TBC1D19: variants seen among roughly 807,000 people sequenced by gnomAD.
The protein encoded by TBC1D19 is TBC1 domain family, member 19.
Under a neutral mutation model 89.0 loss-of-function variants are expected in TBC1D19, and 60 were observed. The observed-to-expected ratio is 0.67, with a 90% CI of 0.55 to 0.84. The LOEUF (loss-of-function observed/expected upper bound fraction) is 0.84, where lower values mean the gene tolerates loss of function less well. Ranked by LOEUF, TBC1D19 falls within the 40% of genes least tolerant of loss-of-function variation. The probability of loss-of-function intolerance (pLI) is 0.00; values close to 1 mark genes in which losing one functional copy is unlikely to be tolerated. For missense variants in TBC1D19, 500 were observed against 610.8 expected (o/e 0.82, Z 1.91); for synonymous variants, 189 against 199.7 (o/e 0.95, Z 0.45).
chr4:26,751,124 AC>A (rs1182304782), intron 19 of TBC1D19, among the ~76,000 whole-genome samples: 1 of 152,170 alleles, frequency 6.6e-6, no homozygotes, highest in Non-Finnish European at 1.5e-5. Flanking sequence ...TGGCAAACAA[AC>A]CTGTTCTGTG....
chr4:26,648,047 G>A (rs1425829137), intron 7 of TBC1D19, among the ~76,000 whole-genome samples: 1 of 151,852 alleles, frequency 6.6e-6, no homozygotes, highest in Non-Finnish European at 1.5e-5. Context: ...AGTCACACAG[G>A]GTCAAATAAT....
At chr4:26,842,075 A>G in the TBC1D19 span, among the ~76,000 whole-genome samples, 21 of 152,126 alleles carry the variant, frequency 1.4e-4, no homozygotes, top group African/African-American at 4.3e-4. Flanking sequence ...TTTAATGGCA[A>G]TTTTCCTGCT....
the TBC1D19 span, among the ~76,000 whole-genome samples, chr4:26,765,872 G>T: frequency 6.6e-6 from 1 of 151,966 alleles, no homozygotes; most frequent in Non-Finnish European, 1.5e-5. Context: ...GCATGGGGAG[G>T]GATTATCTTC....
upstream of TBC1D19, among the ~76,000 whole-genome samples, chr4:26,582,259 G>C (rs1331018591): frequency 1.3e-5 from 2 of 151,894 alleles, no homozygotes; most frequent in African/African-American, 2.4e-5. Context: ...TCCTCATACT[G>C]TCTCCTTAGT....
chr4:26,663,005 A>G (rs1420555483), intron 8 of TBC1D19: 1 of 152,166 alleles, frequency 6.6e-6, no homozygotes, highest in African/African-American at 2.4e-5. Flanking sequence ...AGGCTGTACA[A>G]CTGGACTGAA....
intron 7 of TBC1D19, among the ~76,000 whole-genome samples, chr4:26,644,799 TTA>T (rs970669933): frequency 7.9e-5 from 12 of 152,148 alleles, no homozygotes; most frequent in Non-Finnish European, 1.8e-4. Flanking sequence ...GAGAGCCAAA[TTA>T]TGAGTGAACT....
rs35281818 is a variant in TBC1D19, at chr4:26,596,617, GT to G, written c.99+12339del. Among the ~76,000 whole-genome samples, 815 of 136,496 alleles carry G rather than the reference GT, an allele frequency of 6.0e-3. 7 individuals are homozygous for G. Among genetic ancestry groups the G allele is most frequent in the African/African-American group, 0.015 (533 of 36,514 alleles). 89.5% of individuals were successfully genotyped at this position (136,496 alleles called of 152,430 possible). On this transcript the variant is annotated intron_variant, in intron 1 of 20. Coordinates refer to ENST00000264866, the MANE Select transcript of TBC1D19 (RefSeq NM_018317.4). ...AGTTCTTTATTATTACTTTCCTCCT[GT>G]TTTTTTTTTTTTTGAGATTGATTTG... is the stretch of plus-strand genomic sequence containing the variant.
At chr4:26,689,508 T>C (rs1327329388) in intron 13 of TBC1D19, among the ~76,000 whole-genome samples, 1 of 152,196 alleles carries the variant, frequency 6.6e-6, no homozygotes, top group Non-Finnish European at 1.5e-5. Flanking sequence ...AATTGAAGGT[T>C]TGTGGCAACC....
At chr4:26,744,247 G>T (rs1439115402) in intron 18 of TBC1D19, among the ~76,000 whole-genome samples, 11 of 151,596 alleles carry the variant, frequency 7.3e-5, no homozygotes, top group South Asian at 6.2e-4. Flanking sequence ...CCTGAGATTA[G>T]TAATTGTATT....
chr4:26,752,850 G>A (rs544223916), intron 19 of TBC1D19, among the ~76,000 whole-genome samples: 6 of 152,084 alleles, frequency 3.9e-5, no homozygotes, highest in Non-Finnish European at 8.8e-5. Context: ...TTTAAGAGAC[G>A]GGTTTTTGCC....
the TBC1D19 span, among the ~76,000 whole-genome samples, chr4:26,808,586 A>G: frequency 1.3e-5 from 2 of 152,154 alleles, no homozygotes; most frequent in South Asian, 4.1e-4. Context: ...AAAATTAGCC[A>G]GGCGTGATGG....
chr4:26,670,627 A>G (rs1712214020), intron 9 of TBC1D19, among the ~76,000 whole-genome samples: 1 of 151,804 alleles, frequency 6.6e-6, no homozygotes, highest in Non-Finnish European at 1.5e-5. Context: ...TATACAGATC[A>G]GTGAATTTTT....
At chr4:26,760,182 G>A (rs1426864963), downstream of TBC1D19, among the ~76,000 whole-genome samples, 3 of 152,108 alleles carry the variant, frequency 2.0e-5, no homozygotes, top group Non-Finnish European at 4.4e-5. Flanking sequence ...ATGATATTGA[G>A]CATATTTTCA....
the TBC1D19 span, among the ~76,000 whole-genome samples, chr4:26,824,798 G>A: frequency 6.6e-6 from 1 of 151,992 alleles, no homozygotes; most frequent in Non-Finnish European, 1.5e-5. Flanking sequence ...TGCATAGTAA[G>A]TTCTTCATTA....
intron 8 of TBC1D19, among the ~76,000 whole-genome samples, chr4:26,660,626 T>C (rs1203806219): frequency 2.6e-5 from 4 of 152,190 alleles, no homozygotes; most frequent in Non-Finnish European, 5.9e-5. Context: ...AGGCAGGGGC[T>C]TCCATTTCTA....
intron 7 of TBC1D19, among the ~76,000 whole-genome samples, chr4:26,644,042 G>C (rs189895392): frequency 6.6e-6 from 1 of 152,204 alleles, no homozygotes; most frequent in Non-Finnish European, 1.5e-5. Flanking sequence ...CCAATCAATA[G>C]AAAAAGAGGG....
chr4:26,720,037 ATTTAC>A, intron 14 of TBC1D19, 39 bp from the exon 15 acceptor site: 1 of 1,484,946 alleles, frequency 6.7e-7, no homozygotes, highest in Non-Finnish European at 9.1e-7. Flanking sequence ...TTAAAGATTT[ATTTAC>A]TTAATCATAT....
At chr4:26,740,082 T>C in intron 17 of TBC1D19, 109 bp downstream of exon 17, 1 of 578,788 alleles carries the variant, frequency 1.7e-6, no homozygotes, top group Non-Finnish European at 2.8e-6. Context: ...AATTTTAATT[T>C]GTGATGTCAA....
At chr4:26,665,657 T>G (rs1041570528) in intron 8 of TBC1D19, among the ~76,000 whole-genome samples, 5 of 152,068 alleles carry the variant, frequency 3.3e-5, no homozygotes, top group African/African-American at 7.2e-5. Context: ...GTTTAGTTGA[T>G]TAAGATCTGA....
Sources: gnomAD v4.1 joint callset for allele counts (sites outside exome capture counted in the v4.1 genomes callset) on GRCh38, gnomAD v4.1.1 for gene constraint, MANE v1.5 for transcripts, NCBI Gene and HGNC (gene_info 2026-07-23, HGNC 2026-07-21) for gene names.